Variants in DACH2 observed in about 807,000 individuals in gnomAD.
DACH2 encodes dachshund family transcription factor 2.
In DACH2, 17 loss-of-function variants were observed where a neutral mutation model predicts 35.8. That is an observed-to-expected ratio of 0.48 (90% CI 0.33 to 0.71). The LOEUF (loss-of-function observed/expected upper bound fraction) is 0.71. DACH2 is among the 30% of genes least tolerant of loss of function. The probability of loss-of-function intolerance (pLI) is 0.02; values close to 1 mark genes in which losing one functional copy is unlikely to be tolerated. For missense variants in DACH2, 469 were observed against 472.7 expected, an observed-to-expected ratio of 0.99 and a Z score of 0.07; for synonymous variants, 195 against 177.3, an observed-to-expected ratio of 1.10 and a Z score of -0.79.
chrX:86,686,798 G>A (rs1186860137), intron 4 of DACH2, among the ~76,000 whole-genome samples: 1 of 111,820 alleles, frequency 8.9e-6, no homozygotes, highest in Non-Finnish European at 1.9e-5. Context: ...TCATATGGAA[G>A]AGCACTGTGC....
intron 6 of DACH2, among the ~76,000 whole-genome samples, chrX:86,715,357 T>G (rs754062106): frequency 8.9e-6 from 1 of 111,867 alleles, no homozygotes; most frequent in Non-Finnish European, 1.9e-5. Context: ...ATTTTTCAAG[T>G]TTATGGGCAT....
At chrX:86,592,689 G>C (rs984154432) in intron 3 of DACH2, among the ~76,000 whole-genome samples, 1 of 111,656 alleles carries the variant, frequency 9.0e-6, no homozygotes, top group African/African-American at 3.2e-5. Flanking sequence ...AGGTCTACAT[G>C]GATTTCTGTT....
intron 1 of DACH2, among the ~76,000 whole-genome samples, chrX:86,318,995 T>A (rs1337157125): frequency 4.5e-5 from 5 of 112,297 alleles, no homozygotes; most frequent in Non-Finnish European, 7.5e-5. Flanking sequence ...AATTTGCTAT[T>A]AATGTTAAAC....
intron 1 of DACH2, among the ~76,000 whole-genome samples, chrX:86,372,454 C>A (rs2035901758): frequency 9.1e-6 from 1 of 110,357 alleles, no homozygotes; most frequent in African/African-American, 3.3e-5. Flanking sequence ...TGCCTGGGAC[C>A]TTGGAAATAA....
chrX:86,745,307 G>A (rs2041699677), intron 7 of DACH2, among the ~76,000 whole-genome samples: 2 of 111,362 alleles, frequency 1.8e-5, no homozygotes, highest in South Asian at 3.7e-4. Context: ...GTGCAGGTTT[G>A]TTATGTATGT....
chrX:86,166,430 CTTAAT>C (rs2030947482), intron 1 of DACH2, among the ~76,000 whole-genome samples: 2 of 111,663 alleles, frequency 1.8e-5, no homozygotes, highest in Non-Finnish European at 3.8e-5. Flanking sequence ...TGTAACTTTA[CTTAAT>C]TTGTTTATCA....
intron 7 of DACH2, among the ~76,000 whole-genome samples, chrX:86,742,247 C>T (rs1453807111): frequency 9.1e-6 from 1 of 110,291 alleles, no homozygotes; most frequent in East Asian, 2.8e-4. Flanking sequence ...AATAGGGCTA[C>T]ATAATGTTTG....
chrX:86,804,712 C>A (rs1287144764), intron 7 of DACH2, among the ~76,000 whole-genome samples: 1 of 35,500 alleles, frequency 2.8e-5, no homozygotes, highest in Non-Finnish European at 6.6e-5. Flanking sequence ...TAAATACTCC[C>A]ATTCTGAAAG....
At chrX:86,656,302 C>G (rs2040539498) in intron 4 of DACH2, among the ~76,000 whole-genome samples, 1 of 110,379 alleles carries the variant, frequency 9.1e-6, no homozygotes, top group African/African-American at 3.3e-5. Context: ...ATCTTATTGA[C>G]AAAGATTTCT....
intron 1 of DACH2, among the ~76,000 whole-genome samples, chrX:86,358,412 T>A (rs1217175897): frequency 4.0e-5 from 4 of 99,109 alleles, no homozygotes; most frequent in Non-Finnish European, 6.0e-5. Flanking sequence ...ATTTTCCAAA[T>A]TATGCCATCC....
At chrX:86,608,016 C>G (rs1180394587) in intron 3 of DACH2, among the ~76,000 whole-genome samples, 5 of 105,939 alleles carry the variant, frequency 4.7e-5, no homozygotes, top group Non-Finnish European at 7.7e-5. Flanking sequence ...TGGGTTGGTT[C>G]CAAGTCTTTG....
chrX:86,690,751 A>G (rs973593358), intron 4 of DACH2, among the ~76,000 whole-genome samples: 1 of 111,223 alleles, frequency 9.0e-6, no homozygotes, highest in Admixed American at 9.6e-5. Flanking sequence ...CTAAGAATAT[A>G]TATTTCTACG....
intron 7 of DACH2, among the ~76,000 whole-genome samples, chrX:86,786,974 C>T (rs1436513526): frequency 9.0e-6 from 1 of 111,055 alleles, no homozygotes; most frequent in African/African-American, 3.3e-5. Flanking sequence ...GGGAGTCTCC[C>T]TGCACAAACT....
At chrX:86,505,712 G>T (rs1052974708) in intron 2 of DACH2, among the ~76,000 whole-genome samples, 9 of 111,629 alleles carry the variant, frequency 8.1e-5, no homozygotes, top group Non-Finnish European at 1.9e-5. Context: ...AAAATGCTAT[G>T]GCATTTTGCA....
At chrX:86,430,786 A>T (rs2036973198) in intron 2 of DACH2, among the ~76,000 whole-genome samples, 2 of 112,349 alleles carry the variant, frequency 1.8e-5, no homozygotes, top group Admixed American at 1.9e-4. Flanking sequence ...CTTGCTACAC[A>T]AAAGATGCAG....
chrX:86,291,030 A>G (rs1266817822), intron 1 of DACH2, among the ~76,000 whole-genome samples: 1 of 103,931 alleles, frequency 9.6e-6, no homozygotes, highest in Non-Finnish European at 2.0e-5. Context: ...GGCCATTTTC[A>G]CGATATTGAT....
chrX:86,260,156 A>G (rs1043874052), intron 1 of DACH2, among the ~76,000 whole-genome samples: 4 of 111,052 alleles, frequency 3.6e-5, no homozygotes, highest in African/African-American at 1.3e-4. Context: ...GATTTAATCC[A>G]TAAGTTTAAA....
intron 2 of DACH2, among the ~76,000 whole-genome samples, chrX:86,496,679 A>T (rs1240915907): frequency 1.1e-5 from 1 of 94,693 alleles, no homozygotes; most frequent in African/African-American, 6.3e-5. Flanking sequence ...TGATGATGCC[A>T]CACACACACA....
At chrX:86,290,826 C>G (rs1164231297) in intron 1 of DACH2, among the ~76,000 whole-genome samples, 1 of 100,540 alleles carries the variant, frequency 9.9e-6, no homozygotes, top group Non-Finnish European at 2.0e-5. Flanking sequence ...GTTACTGTAG[C>G]CTTGTAGTAT....
Sources: allele counts gnomAD v4.1 joint callset (sites outside exome capture counted in the v4.1 genomes callset), GRCh38; gene constraint gnomAD v4.1.1; transcripts MANE v1.5; gene names NCBI Gene and HGNC (gene_info 2026-07-23, HGNC 2026-07-21).